Variants in DNAH7 observed in about 807,000 individuals in gnomAD.
The protein encoded by DNAH7 is dynein axonemal heavy chain 7.
Under a neutral mutation model 444.6 loss-of-function variants are expected in DNAH7, and 397 were observed. The ratio of observed to expected loss-of-function variants is 0.89; its 90% CI spans 0.82 to 0.97. The LOEUF is 0.97. Ranked by LOEUF, DNAH7 falls within the 50% of genes least tolerant of loss-of-function variation. DNAH7 has a pLI of 0.00. For missense variants in DNAH7, 4,902 were observed against 4,800.8 expected (o/e 1.02, Z -0.62); for synonymous variants, 1,636 against 1,624.4 (o/e 1.01, Z -0.17).
chr2:195,844,910 G>T, intron 47 of DNAH7, 92 bp downstream of exon 47: 1 of 1,155,204 alleles, frequency 8.7e-7, no homozygotes, highest in Non-Finnish European at 1.2e-6. Flanking sequence ...TTTTAATACT[G>T]TAAAAGTTTG....
intron 5 of DNAH7, among the ~76,000 whole-genome samples, chr2:196,035,161 G>A (rs1696306246): frequency 6.6e-6 from 1 of 151,864 alleles, no homozygotes; most frequent in African/African-American, 2.4e-5. Flanking sequence ...CAGCCTGGGT[G>A]ACAGACAAAG....
At chr2:195,770,212 G>A (rs1169652336) in intron 61 of DNAH7, among the ~76,000 whole-genome samples, 3 of 152,114 alleles carry the variant, frequency 2.0e-5, no homozygotes, top group South Asian at 2.1e-4. Context: ...TCATATCATT[G>A]GTCTCTGTCT....
chr2:195,836,494 C>CT (rs1307919793), intron 47 of DNAH7, among the ~76,000 whole-genome samples: 1 of 145,468 alleles, frequency 6.9e-6, no homozygotes, highest in East Asian at 2.2e-4. Context: ...GAGACCCTGT[C>CT]TTAAAAAAAA....
chr2:195,873,545 AAAAAC>A lies in DNAH7; in HGVS notation c.6413+18_6413+22del. 7.8e-7 allele frequency: 1 copy of A among 1,286,126 alleles called. No homozygotes were observed. Among genetic ancestry groups the A allele is most frequent in the Non-Finnish European group, 1.0e-6 (1 of 974,416 alleles). The allele number at this position is 1,286,126 out of a possible 1,614,324, so 79.7% of individuals were successfully genotyped here. On this transcript the variant is annotated intron_variant, in intron 39 of 64. Coordinates refer to ENST00000312428, the MANE Select transcript of DNAH7 (RefSeq NM_018897.3). ...ATATTTTATACCTCCTAATTAAAAA[AAAAAC>A]AAATTTTGATTACTTACCAGATTTC... is the stretch of plus-strand genomic sequence containing the variant.
intron 33 of DNAH7, 30 bp from the exon 34 acceptor site, chr2:195,886,302 C>T (rs1559185394): frequency 3.1e-6 from 5 of 1,595,790 alleles, no homozygotes; most frequent in Admixed American, 1.7e-5. Flanking sequence ...AATGACTAAA[C>T]AATTTAAATT....
At chr2:195,874,432 G>A (rs1348348227) in intron 38 of DNAH7, among the ~76,000 whole-genome samples, 1 of 152,102 alleles carries the variant, frequency 6.6e-6, no homozygotes, top group East Asian at 1.9e-4. Flanking sequence ...AAACAGAAAT[G>A]GGGTCCGAAA....
intron 46 of DNAH7, among the ~76,000 whole-genome samples, chr2:195,849,283 A>C (rs990891638): frequency 2.0e-5 from 3 of 152,316 alleles, no homozygotes; most frequent in African/African-American, 7.2e-5. Context: ...TTTCAGCTTT[A>C]TCTTACAGTG....
At position 195,926,451 on chromosome 2, in the gene DNAH7, T is replaced by C; in HGVS notation, c.3587A>G (p.Gln1196Arg). Residue 1196 changes from glutamine to arginine, a missense_variant, in exon 22 of 65, where the codon CAA becomes CGA. By Grantham distance (43) the Gln-to-Arg change is conservative (BLOSUM62 1). Coordinates refer to ENST00000312428, the MANE Select transcript of DNAH7 (RefSeq NM_018897.3). ...VSQIFWTKEV[Q>R]TAIPMGIKAL... ...CTTTATCCCCATTGGAATAGCTGTT[T>C]GTACTTCTTTTGTCCAAAAGATTTG... 1.3e-6 allele frequency: 2 copies of C among 1,597,794 alleles called. No homozygotes were observed. The highest frequency in any genetic ancestry group is 1.7e-6 in the Non-Finnish European group (2 of 1,173,606).
chr2:196,025,004 G>A (rs986789120), intron 7 of DNAH7, among the ~76,000 whole-genome samples: 8 of 152,110 alleles, frequency 5.3e-5, no homozygotes, highest in Non-Finnish European at 8.8e-5. Context: ...AATATACAGT[G>A]TAACAACGAT....
At chr2:196,061,343 C>G (rs1168048028) in intron 1 of DNAH7, among the ~76,000 whole-genome samples, 3 of 152,050 alleles carry the variant, frequency 2.0e-5, no homozygotes, top group Non-Finnish European at 4.4e-5. Context: ...CCGTATTAAC[C>G]TTTATCCTAA....
chr2:195,935,164 A>G (rs887739693), intron 20 of DNAH7, among the ~76,000 whole-genome samples: 1 of 152,242 alleles, frequency 6.6e-6, no homozygotes, highest in African/African-American at 2.4e-5. Context: ...TCAAATGCAC[A>G]AAAGTAGCCA....
At chr2:195,809,607 C>G in intron 52 of DNAH7, 138 bp downstream of exon 52, 1 of 749,184 alleles carries the variant, frequency 1.3e-6, no homozygotes, top group Non-Finnish European at 1.8e-6. Context: ...CTGATAACAT[C>G]TTGCCTTAAC....
intron 47 of DNAH7, among the ~76,000 whole-genome samples, chr2:195,837,344 T>A (rs1271196034): frequency 6.6e-6 from 1 of 152,198 alleles, no homozygotes. Flanking sequence ...CTAACCAAGA[T>A]GGGCTGGGCT....
At position 196,051,188 on chromosome 2, in the gene DNAH7, A is replaced by G. The variant is rs1553613462; in HGVS notation, c.140T>C (p.Met47Thr). 8 of 1,613,464 alleles carry G rather than the reference A, an allele frequency of 5.0e-6. No individual in the cohort carries two copies. In the Admixed American group the frequency reaches 6.7e-5, roughly 13 times the overall value. Reference sequence around the variant, plus strand: ...TGAGAATATATTTGGATAAGTTACCATAGACAGCTGTGGTAAAGCTCTTGC... The same window carrying G: ...TGAGAATATATTTGGATAAGTTACCGTAGACAGCTGTGGTAAAGCTCTTGC... ...APARALPQLS[M>T]VSTKPHWQQA... The change falls in exon 3 of 65, where the codon ATG becomes ACG. Residue 47 changes from methionine (M) to threonine (T), a missense_variant and splice_region_variant. Physicochemically the swap from Met to Thr is moderately conservative, Grantham distance 81. Transcript: ENST00000312428.
At chr2:195,884,007 G>A (rs1701569667) in intron 35 of DNAH7, among the ~76,000 whole-genome samples, 5 of 152,126 alleles carry the variant, frequency 3.3e-5, no homozygotes, top group Admixed American at 3.3e-4. Flanking sequence ...AAAACAAGAA[G>A]GATATAAAGC....
chr2:196,021,328 A>G (rs939219528), intron 8 of DNAH7, among the ~76,000 whole-genome samples: 3 of 152,220 alleles, frequency 2.0e-5, no homozygotes, highest in Non-Finnish European at 4.4e-5. Flanking sequence ...AAATACATAA[A>G]TAAACAAAGC....
At chr2:196,066,286 C>T (rs557456029) in intron 1 of DNAH7, among the ~76,000 whole-genome samples, 4 of 152,306 alleles carry the variant, frequency 2.6e-5, no homozygotes, top group East Asian at 1.9e-4. Context: ...AGTTGTCACA[C>T]GTTTGAGTTC....
At chr2:195,746,850 T>C (rs1268674866) in intron 63 of DNAH7, among the ~76,000 whole-genome samples, 2 of 152,100 alleles carry the variant, frequency 1.3e-5, no homozygotes, top group South Asian at 2.1e-4. Flanking sequence ...CAAAGCAGTG[T>C]GTAGAGGGAA....
intron 1 of DNAH7, among the ~76,000 whole-genome samples, chr2:196,059,905 A>G (rs549297792): frequency 1.3e-5 from 2 of 152,100 alleles, no homozygotes; most frequent in African/African-American, 4.8e-5. Flanking sequence ...CTCTCTTAAC[A>G]TTCTGGTTAA....
Sources: allele counts gnomAD v4.1 joint callset (sites outside exome capture counted in the v4.1 genomes callset), GRCh38; gene constraint gnomAD v4.1.1; transcripts MANE v1.5; gene names NCBI Gene and HGNC (gene_info 2026-07-23, HGNC 2026-07-21).